The following RBFOX1 variants were observed in gnomAD, a reference collection of about 807,000 sequenced individuals.
RBFOX1 encodes RNA binding fox-1 homolog 1.
Under a neutral mutation model 57.7 loss-of-function variants are expected in RBFOX1, and 8 were observed. That is an observed-to-expected ratio of 0.14 (90% CI 0.08 to 0.25). The LOEUF is 0.25. RBFOX1 is among the 10% of genes least tolerant of loss of function. The pLI, the probability that RBFOX1 is intolerant of heterozygous loss-of-function variation, is 1.00. For missense variants in RBFOX1, 611 were observed against 548.5 expected (o/e 1.11, Z -1.14); for synonymous variants, 326 against 222.4 (o/e 1.47, Z -4.15).
intron 4 of RBFOX1, among the ~76,000 whole-genome samples, chr16:7,359,169 C>T (rs1221224323): frequency 6.6e-6 from 1 of 152,128 alleles, no homozygotes; most frequent in African/African-American, 2.4e-5. Flanking sequence ...GCTGTGTGAC[C>T]TTTGGCATGT....
At chr16:6,342,128 C>G (rs1454062530) in intron 2 of RBFOX1, among the ~76,000 whole-genome samples, 1 of 152,126 alleles carries the variant, frequency 6.6e-6, no homozygotes, top group Non-Finnish European at 1.5e-5. Flanking sequence ...TATCAAAGCC[C>G]TGCTTTGAAG....
At chr16:5,645,277 A>AAAC (rs2049015299) in intron 3 of RBFOX1, among the ~76,000 whole-genome samples, 1 of 23,924 alleles carries the variant, frequency 4.2e-5, no homozygotes, top group African/African-American at 4.3e-5. Flanking sequence ...AACAAAAACA[A>AAAC]AAAAAAAAAC....
intron 1 of RBFOX1, among the ~76,000 whole-genome samples, chr16:6,043,765 T>C (rs1392160352): frequency 6.6e-6 from 1 of 152,112 alleles, no homozygotes; most frequent in African/African-American, 2.4e-5. Flanking sequence ...GCCCTTTGAT[T>C]GTCAGCTGAG....
At chr16:7,114,728 G>A (rs1292335139) in intron 4 of RBFOX1, among the ~76,000 whole-genome samples, 1 of 152,200 alleles carries the variant, frequency 6.6e-6, no homozygotes, top group East Asian at 1.9e-4. Context: ...CTCATGAAGA[G>A]TCCTGCTAGG....
At chr16:6,325,643 T>C (rs1051949900) in intron 2 of RBFOX1, among the ~76,000 whole-genome samples, 3 of 152,168 alleles carry the variant, frequency 2.0e-5, no homozygotes, top group Admixed American at 6.6e-5. Context: ...TGTAGAAGAC[T>C]ATGGAAGTCA....
At chr16:6,739,970 A>G (rs1415156282) in intron 3 of RBFOX1, among the ~76,000 whole-genome samples, 1 of 152,206 alleles carries the variant, frequency 6.6e-6, no homozygotes, top group African/African-American at 2.4e-5. Context: ...CAAAAGAAAC[A>G]AGAAAACTGC....
intron 3 of RBFOX1, among the ~76,000 whole-genome samples, chr16:6,953,570 A>C (rs904478130): frequency 1.3e-5 from 2 of 152,098 alleles, no homozygotes; most frequent in African/African-American, 4.8e-5. Context: ...TATCTTTAGT[A>C]GAGATGGGGT....
chr16:7,700,530 G>T (rs1048050924), intron 14 of RBFOX1, among the ~76,000 whole-genome samples: 4 of 152,108 alleles, frequency 2.6e-5, no homozygotes, highest in Non-Finnish European at 4.4e-5. Context: ...TCCTCCTATG[G>T]GGTAAAGTAT....
intron 3 of RBFOX1, among the ~76,000 whole-genome samples, chr16:6,935,536 T>C (rs72772284): frequency 0.13 from 19,667 of 152,266 alleles, 1,347 homozygotes; most frequent in East Asian, 0.16. Context: ...TAACTCACAC[T>C]TTCAGTAGTA....
intron 4 of RBFOX1, among the ~76,000 whole-genome samples, chr16:5,990,609 A>C (rs2060376380): frequency 6.6e-6 from 1 of 152,150 alleles, no homozygotes; most frequent in Non-Finnish European, 1.5e-5. Context: ...GCTTTTTCAG[A>C]GAGAGGCCTG....
chr16:5,354,187 TC>T (rs2065331535), intron 1 of RBFOX1, among the ~76,000 whole-genome samples: 2 of 152,182 alleles, frequency 1.3e-5, no homozygotes, highest in African/African-American at 2.4e-5. Flanking sequence ...CGGGAGCTGT[TC>T]CTGTCGGCCT....
At chr16:6,261,908 T>C (rs1424018436) in intron 1 of RBFOX1, among the ~76,000 whole-genome samples, 1 of 151,960 alleles carries the variant, frequency 6.6e-6, no homozygotes, top group Non-Finnish European at 1.5e-5. Flanking sequence ...CACACATCGA[T>C]AATCCCAGAT....
chr16:7,046,603 C>CTTTTTTTT (rs59921108), intron 3 of RBFOX1, among the ~76,000 whole-genome samples: 1 of 85,010 alleles, frequency 1.2e-5, no homozygotes, highest in Non-Finnish European at 2.2e-5. Context: ...TGTGTTTTAT[C>CTTTTTTTT]TTTTTTTTTT....
At chr16:6,228,068 T>C (rs1400729146) in intron 1 of RBFOX1, among the ~76,000 whole-genome samples, 3 of 152,138 alleles carry the variant, frequency 2.0e-5, no homozygotes, top group African/African-American at 7.2e-5. Context: ...CCCAGCCCTT[T>C]AGGAAGCTGA....
intron 4 of RBFOX1, among the ~76,000 whole-genome samples, chr16:7,316,985 C>CACACACAG (rs768622316): frequency 6.6e-6 from 1 of 150,986 alleles, no homozygotes; most frequent in South Asian, 2.1e-4. Context: ...CACACACACA[C>CACACACAG]AAACACACAC....
intron 2 of RBFOX1, among the ~76,000 whole-genome samples, chr16:5,582,550 T>A (rs2046704928): frequency 8.2e-6 from 1 of 121,950 alleles, no homozygotes; most frequent in Non-Finnish European, 1.7e-5. Context: ...CACGTCACTT[T>A]TTTTTTTTTT....
intron 3 of RBFOX1, among the ~76,000 whole-genome samples, chr16:6,761,729 A>T (rs1354367899): frequency 6.6e-6 from 1 of 151,462 alleles, no homozygotes; most frequent in African/African-American, 2.4e-5. Flanking sequence ...CTGGTCTTGA[A>T]TTCCTGACCT....
chr16:7,684,902 C>A (rs533323838), intron 14 of RBFOX1, among the ~76,000 whole-genome samples: 2 of 151,960 alleles, frequency 1.3e-5, no homozygotes, highest in Non-Finnish European at 2.9e-5. Flanking sequence ...TTGTTTTCTT[C>A]CATTTCTGTC....
At chr16:6,435,077 A>C (rs967757760) in intron 2 of RBFOX1, among the ~76,000 whole-genome samples, 1 of 152,156 alleles carries the variant, frequency 6.6e-6, no homozygotes, top group African/African-American at 2.4e-5. Context: ...ACTGCAATAC[A>C]CTCAATCTAT....
Sources: allele counts gnomAD v4.1 joint callset (sites outside exome capture counted in the v4.1 genomes callset), GRCh38; gene constraint gnomAD v4.1.1; transcripts MANE v1.5; gene names NCBI Gene and HGNC (gene_info 2026-07-23, HGNC 2026-07-21).